Variants in CDON observed in about 807,000 individuals in gnomAD.
The protein encoded by CDON is cell adhesion molecule-related/down-regulated by oncogenes.
In CDON, 73 loss-of-function variants were observed where a neutral mutation model predicts 120.9. That is an observed-to-expected ratio of 0.60 (90% confidence interval 0.50 to 0.73). The LOEUF is 0.73. Among genes scored for constraint, CDON ranks in the 30% least tolerant of loss-of-function variants. The pLI is 0.00. For missense variants in CDON, 1,470 were observed against 1,587.3 expected (o/e 0.93, Z 1.26); for synonymous variants, 566 against 573.5 (o/e 0.99, Z 0.19).
intron 1 of CDON, among the ~76,000 whole-genome samples, chr11:126,061,088 C>G (rs1948783771): frequency 6.6e-6 from 1 of 152,208 alleles, no homozygotes; most frequent in Non-Finnish European, 1.5e-5. Flanking sequence ...ACTATTCAAA[C>G]AAAGACAGAT....
At chr11:125,974,382 A>AAGGG (rs1234002796) in intron 18 of CDON, among the ~76,000 whole-genome samples, 4 of 34,648 alleles carry the variant, frequency 1.2e-4, no homozygotes, top group African/African-American at 5.1e-4. Context: ...GGAAGGAAGG[A>AAGGG]AGGAAGGAAG....
rs1484070329 is a variant in CDON, at chr11:125,958,222, TA to T, written c.*2719del. 1.3e-5 allele frequency: 2 copies of T among 152,088 alleles called. No individual in the cohort carries two copies. Among genetic ancestry groups the T allele is most frequent in the African/African-American group, 4.8e-5 (2 of 41,416 alleles). 9.4% of individuals were successfully genotyped at this position (152,088 alleles called of 1,614,324 possible). A position where few individuals can be genotyped will look rare whatever the true frequency, so the allele number is the denominator to read the frequency against. ...GAACCACAATGCTTTTGGAAAGCAG[TA>T]TGGAAAAATGGGAGGAGCCCAGATT... On this transcript the variant is annotated 3_prime_UTR_variant, in exon 20 of 20. Coordinates refer to ENST00000531738, the MANE Select transcript of CDON (RefSeq NM_001378964.1).
intron 1 of CDON, among the ~76,000 whole-genome samples, chr11:126,059,841 A>G (rs1206441897): frequency 1.3e-5 from 2 of 152,008 alleles, no homozygotes; most frequent in African/African-American, 4.8e-5. Context: ...CCTCAGGACC[A>G]TTATTCAGGA....
intron 18 of CDON, among the ~76,000 whole-genome samples, chr11:125,973,616 G>A (rs991180520): frequency 5.3e-5 from 8 of 152,142 alleles, no homozygotes; most frequent in Non-Finnish European, 8.8e-5. Flanking sequence ...GATTTCACTC[G>A]CCTTTTAATT....
rs554661393 is a variant in CDON at position 125,981,374 on chromosome 11, G to C, written c.2996-45C>G. 5 of 1,501,154 alleles carry C rather than the reference G, an allele frequency of 3.3e-6. No individual in the cohort carries two copies. In the South Asian group the frequency reaches 5.8e-5, roughly 17 times the overall value. The allele number at this position is 1,501,154 out of a possible 1,614,324, so 93.0% of individuals were successfully genotyped here. On this transcript the variant is annotated intron_variant, in intron 16 of 19. Coordinates refer to ENST00000531738, the MANE Select transcript of CDON (RefSeq NM_001378964.1). ...AAGACACACACGCACACACACACAC[G>C]CACGCACACATGCACATACGCACAC...
chr11:125,993,468 A>AACC (rs1158741452), intron 14 of CDON, among the ~76,000 whole-genome samples: 2 of 152,062 alleles, frequency 1.3e-5, no homozygotes, highest in African/African-American at 4.8e-5. Context: ...AATAAACATA[A>AACC]AGGGTATGGT....
At chr11:125,964,586 A>G (rs1456168322) in intron 18 of CDON, among the ~76,000 whole-genome samples, 2 of 152,026 alleles carry the variant, frequency 1.3e-5, no homozygotes, top group African/African-American at 4.8e-5. Context: ...TCCAGCTCCC[A>G]GTCTAGCAAA....
At chr11:126,049,488 AGG>A (rs1948501052) in intron 1 of CDON, among the ~76,000 whole-genome samples, 2 of 152,192 alleles carry the variant, frequency 1.3e-5, no homozygotes, top group African/African-American at 4.8e-5. Flanking sequence ...ACAGAGGAGG[AGG>A]AACATCTATT....
chr11:126,024,295 A>T (rs1947725363), intron 1 of CDON, among the ~76,000 whole-genome samples: 1 of 152,246 alleles, frequency 6.6e-6, no homozygotes, highest in African/African-American at 2.4e-5. Flanking sequence ...TTTATGCTTT[A>T]AAAAGATCAC....
chr11:126,029,702 T>C (rs938615377), intron 1 of CDON, among the ~76,000 whole-genome samples: 2 of 152,204 alleles, frequency 1.3e-5, no homozygotes, highest in South Asian at 4.1e-4. Context: ...GGAATTAGCA[T>C]GACCACGAGA....
intron 11 of CDON, among the ~76,000 whole-genome samples, chr11:126,001,150 T>C (rs554228320): frequency 6.6e-6 from 1 of 152,032 alleles, no homozygotes; most frequent in South Asian, 2.1e-4. Flanking sequence ...AAAATATAAA[T>C]GTCCTTCTCT....
chr11:126,043,609 C>T (rs1043069539), intron 1 of CDON, among the ~76,000 whole-genome samples: 3 of 152,158 alleles, frequency 2.0e-5, no homozygotes, highest in African/African-American at 7.2e-5. Context: ...ACAAAGAACA[C>T]TCAGATAGCC....
rs1375064605 is a variant in CDON, at chr11:125,983,948, C to T, written c.2919G>A (p.Leu973=). 1.2e-6 allele frequency: 2 copies of T among 1,614,142 alleles called. No individual in the cohort carries two copies. Among genetic ancestry groups the T allele is most frequent in the East Asian group, 2.2e-5 (1 of 44,882 alleles). ...DMLYLIVGCV[L]GVMVLILMVF... is the part of the protein sequence containing the mutation. ...CCATCAGAATGAGGACCATGACGCC[C>T]AGCACACAGCCAACGATCAGATATA... The change falls in exon 16 of 20, where the codon CTG becomes CTA. Residue 973 remains leucine, a synonymous_variant. Coordinates refer to ENST00000531738, the MANE Select transcript of CDON (RefSeq NM_001378964.1).
chr11:125,983,756 A>T, intron 16 of CDON, 116 bp downstream of exon 16: 1 of 788,086 alleles, frequency 1.3e-6, no homozygotes, highest in Non-Finnish European at 2.2e-6. Flanking sequence ...AGAGTATCTA[A>T]TGTGTTTCAT....
At chr11:126,010,951 C>G in intron 7 of CDON, 1 of 526,004 alleles carries the variant, frequency 1.9e-6, no homozygotes, top group South Asian at 1.5e-5. Flanking sequence ...ATAAAGAAAT[C>G]TTTTGAGAGT....
At chr11:126,055,015 G>A (rs1291665978) in intron 1 of CDON, among the ~76,000 whole-genome samples, 1 of 152,086 alleles carries the variant, frequency 6.6e-6, no homozygotes, top group Non-Finnish European at 1.5e-5. Context: ...TAAAGACCTG[G>A]GCTTCAACAA....
chr11:125,983,849 GGA>G (rs756578115), intron 16 of CDON, 21 bp downstream of exon 16: 2 of 1,533,462 alleles, frequency 1.3e-6, no homozygotes, highest in South Asian at 2.2e-5. Context: ...AAAAAGAGAA[GGA>G]GATATTTATG....
chr11:125,974,956 G>A lies in CDON; in HGVS notation c.3356+3348C>T, dbSNP rs575439338. On this transcript the variant is annotated intron_variant, in intron 18 of 19. Coordinates refer to ENST00000531738, the MANE Select transcript of CDON (RefSeq NM_001378964.1). ...AATGGCCAAGTCCTGAAGACTCCAT[G>A]TCTGCAGTCTCACTCATCCCTTCCT... Among the ~76,000 whole-genome samples, 42 of 150,736 alleles carry A rather than the reference G, an allele frequency of 2.8e-4. No homozygotes were observed. The South Asian group carries it at 8.4e-3, about 30-fold the overall frequency.
chr11:125,960,813 T>C lies in CDON; in HGVS notation c.*129A>G, dbSNP rs947023033. On this transcript the variant is annotated 3_prime_UTR_variant, in exon 20 of 20. Transcript: ENST00000531738. The stretch of plus-strand genomic sequence containing the variant: ...GTTTTAAGATACATTCATATGACAT[T>C]ACTACTACAAAAAAATAAATAATGA... The C allele has an allele frequency of 2.3e-5, 20 of 861,446 alleles. No individual in the cohort carries two copies. The highest frequency in any genetic ancestry group is 4.0e-5 in the Non-Finnish European group (20 of 506,318). The allele number at this position is 861,446 out of a possible 1,614,324, so 53.4% of individuals were successfully genotyped here.
Sources: allele counts gnomAD v4.1 joint callset (sites outside exome capture counted in the v4.1 genomes callset), GRCh38; gene constraint gnomAD v4.1.1; transcripts MANE v1.5; gene names NCBI Gene and HGNC (gene_info 2026-07-23, HGNC 2026-07-21).